The following DZIP3 variants were observed in gnomAD, a reference collection of about 807,000 sequenced individuals.
DZIP3 encodes the protein DAZ interacting zinc finger protein 3.
Under a neutral mutation model 162.0 loss-of-function variants are expected in DZIP3, and 118 were observed. That is an observed-to-expected ratio of 0.73 (90% CI 0.63 to 0.85). DZIP3 has a LOEUF of 0.85. DZIP3 is among the 40% of genes least tolerant of loss of function. DZIP3 has a pLI of 0.00. For missense variants in DZIP3, 1,331 were observed against 1,407.0 expected (o/e 0.95, Z 0.86); for synonymous variants, 438 against 458.6 (o/e 0.96, Z 0.57).
At chr3:108,616,297 T>TAAATA (rs960500073) in intron 4 of DZIP3, among the ~76,000 whole-genome samples, 30 of 149,550 alleles carry the variant, frequency 2.0e-4, no homozygotes, top group Non-Finnish European at 4.3e-4. Context: ...AATAAATAAA[T>TAAATA]AAATAAATAA....
Position 108,674,082 on chromosome 3 carries a change from A to G in DZIP3, c.2594A>G (p.Tyr865Cys). Residue 865 changes from tyrosine (Y) to cysteine (C), a missense_variant, in exon 24 of 33, where the codon TAT becomes TGT. By Grantham distance (194) the Tyr-to-Cys change is radical (BLOSUM62 -2). Around this residue, in one of 2 missense-constraint regions of DZIP3, gnomAD observed 1,278 missense variants for 1,317.1 expected, o/e 0.97. Transcript: ENST00000361582. ...CTTTCTCTCAAAAACCTGTAGGTGT[A>G]TTTCTTACAGTGTCGTAGGGATTTT... ...ETSRALTAEV[Y>C]FLQCRRDFGL... 1 of 1,610,906 alleles carries G rather than the reference A, an allele frequency of 6.2e-7. No homozygotes were observed. Among genetic ancestry groups the G allele is most frequent in the African/African-American group, 1.3e-5 (1 of 74,908 alleles).
intron 8 of DZIP3, among the ~76,000 whole-genome samples, chr3:108,631,043 ACACACACACACACTCTCTCTCT>A (rs1941819058): frequency 1.1e-5 from 1 of 90,244 alleles, no homozygotes; most frequent in Non-Finnish European, 2.1e-5. Context: ...ACACACACAC[ACACACACACACACTCTCTCTCT>A]CTCTCTCTCT....
At chr3:108,688,200 G>A in intron 29 of DZIP3, 104 bp downstream of exon 29, 1 of 1,366,152 alleles carries the variant, frequency 7.3e-7, no homozygotes, top group Non-Finnish European at 1.0e-6. Flanking sequence ...TCAGTAACTT[G>A]TAATCATATT....
At chr3:108,652,939 C>T (rs532023531) in intron 18 of DZIP3, among the ~76,000 whole-genome samples, 35 of 151,976 alleles carry the variant, frequency 2.3e-4, no homozygotes, top group Non-Finnish European at 4.6e-4. Flanking sequence ...ATGACAAAAG[C>T]GCTTAATGAC....
intron 32 of DZIP3, among the ~76,000 whole-genome samples, chr3:108,693,046 G>T (rs4533661): frequency 6.6e-6 from 1 of 151,232 alleles, no homozygotes; most frequent in African/African-American, 2.4e-5. Flanking sequence ...TGATATGCCT[G>T]TTTTCCACAG....
intron 1 of DZIP3, among the ~76,000 whole-genome samples, chr3:108,604,851 TATTA>T (rs1356518845): frequency 2.0e-5 from 3 of 152,232 alleles, no homozygotes; most frequent in African/African-American, 7.2e-5. Context: ...TCTTTTGATC[TATTA>T]ATTTTACTTT....
intron 21 of DZIP3, among the ~76,000 whole-genome samples, chr3:108,666,140 A>G (rs1260094911): frequency 6.6e-6 from 1 of 152,156 alleles, no homozygotes; most frequent in Non-Finnish European, 1.5e-5. Flanking sequence ...CGTGGAATTC[A>G]ATGTATGTAG....
At chr3:108,628,960 C>A (rs1211143303) in intron 7 of DZIP3, 102 bp from the exon 8 acceptor site, 4 of 659,114 alleles carry the variant, frequency 6.1e-6, no homozygotes, top group Non-Finnish European at 1.0e-5. Context: ...AGGTTATCAC[C>A]ACCCTATTTA....
At chr3:108,673,439 T>G (rs1002218466) in intron 23 of DZIP3, among the ~76,000 whole-genome samples, 10 of 151,674 alleles carry the variant, frequency 6.6e-5, no homozygotes, top group African/African-American at 2.2e-4. Flanking sequence ...ATCAGTAAAT[T>G]TCTTTGTGCT....
Position 108,686,536 on chromosome 3 carries a change from G to A in DZIP3, c.3101G>A (p.Trp1034Ter), listed in dbSNP as rs1944505549. 1 of 1,611,510 alleles carries A rather than the reference G, an allele frequency of 6.2e-7. No homozygotes were observed. Residue 1034 changes from tryptophan (W) to a stop codon, truncating the protein, a stop_gained, in exon 28 of 33, where the codon TGG (tryptophan) becomes TAG (stop). Transcript: ENST00000361582. LOFTEE classifies it high-confidence loss of function. ...CGGAGTGATCCCTCCATCATGAATT[G>A]GGAGAGAATTACAGACAGGCTGAAA... is the stretch of plus-strand genomic sequence containing the variant. ...GLRSDPSIMN[W>*]ERITDRLKTA...
chr3:108,651,223 A>C (rs1942851911), intron 18 of DZIP3, 61 bp downstream of exon 18: 43 of 567,086 alleles, frequency 7.6e-5, no homozygotes, highest in Non-Finnish European at 1.0e-4. Flanking sequence ...ATACTTTCCT[A>C]ATATGACACA....
In DZIP3 at chr3:108,662,260, A is replaced by C; in HGVS notation, c.2423+3A>C. 1 of 1,584,690 alleles carries C rather than the reference A, an allele frequency of 6.3e-7. No homozygotes were observed. On this transcript the variant is annotated splice_donor_region_variant and intron_variant, in intron 21 of 32. Coordinates refer to ENST00000361582, the MANE Select transcript of DZIP3 (RefSeq NM_014648.4). ...TTTGGAATCAATAAGGTTTCCAAGTAAGTGTAAATCTTTTGATAAAGGGAA... is the reference window on the plus strand; with the variant it reads ...TTTGGAATCAATAAGGTTTCCAAGTCAGTGTAAATCTTTTGATAAAGGGAA...
chr3:108,645,221 A>T lies in DZIP3; in HGVS notation c.1759+440A>T, dbSNP rs142935451. ...TAAGGAGTCTGCATTTTTCAGAAAG[A>T]AATTGTTGAAGACTTTTGAGTACAG... On this transcript the variant is annotated intron_variant, in intron 14 of 32. Coordinates refer to ENST00000361582, the MANE Select transcript of DZIP3 (RefSeq NM_014648.4). Among the ~76,000 whole-genome samples, 50 of 152,270 alleles carry T rather than the reference A, an allele frequency of 3.3e-4. 2 individuals are homozygous for T. The East Asian group carries it at 9.5e-3, about 29-fold the overall frequency.
At chr3:108,677,707 G>A (rs1944163562) in intron 26 of DZIP3, 109 bp downstream of exon 26, 4 of 956,378 alleles carry the variant, frequency 4.2e-6, no homozygotes, top group African/African-American at 3.2e-5. Flanking sequence ...AAATGGAATA[G>A]GCACATATTG....
chr3:108,631,798 G>T (rs1941903986), intron 8 of DZIP3, among the ~76,000 whole-genome samples: 2 of 150,884 alleles, frequency 1.3e-5, no homozygotes, highest in South Asian at 2.1e-4. Flanking sequence ...TCTTCTTTCT[G>T]GGAATTGTTA....
intron 1 of DZIP3, among the ~76,000 whole-genome samples, chr3:108,593,195 C>T (rs537450430): frequency 3.6e-4 from 55 of 152,250 alleles, no homozygotes; most frequent in African/African-American, 1.3e-3. Context: ...ATAGTTTACA[C>T]TTATTGAGCA....
rs1184465754 is a variant in DZIP3 at position 108,686,585 on chromosome 3, G to A, written c.3149+1G>A. On this transcript the variant is annotated splice_donor_variant, in intron 28 of 32. Coordinates refer to ENST00000361582, the MANE Select transcript of DZIP3 (RefSeq NM_014648.4). LOFTEE classifies it high-confidence loss of function. The stretch of plus-strand genomic sequence containing the variant: ...AAACTGCCTTTCCACAGCAAACCAG[G>A]TACCTTAGTTTTTATTTATTGGTGG... 6.3e-7 allele frequency: 1 copy of A among 1,596,256 alleles called. No individual in the cohort carries two copies. Among genetic ancestry groups the A allele is most frequent in the Non-Finnish European group, 8.5e-7 (1 of 1,173,706 alleles).
intron 26 of DZIP3, among the ~76,000 whole-genome samples, chr3:108,680,601 T>G (rs1461763455): frequency 6.6e-6 from 1 of 152,000 alleles, no homozygotes; most frequent in Non-Finnish European, 1.5e-5. Context: ...ATCACTACAC[T>G]GAAAACTATC....
At position 108,644,040 on chromosome 3, in the gene DZIP3, T is replaced by C; in HGVS notation, c.1142-124T>C. 2.4e-6 allele frequency: 3 copies of C among 1,224,960 alleles called. No homozygotes were observed. In the East Asian group the frequency reaches 7.2e-5, roughly 30 times the overall value. The allele number at this position is 1,224,960 out of a possible 1,614,324, so 75.9% of individuals were successfully genotyped here. ...TTGAGCACTGGCTGTGGCAAAGCAC[T>C]GTACTATCCTTCATTCTTTTGGAAT... is the stretch of plus-strand genomic sequence containing the variant. On this transcript the variant is annotated intron_variant, in intron 13 of 32. Coordinates refer to ENST00000361582, the MANE Select transcript of DZIP3 (RefSeq NM_014648.4).
Sources: gnomAD v4.1 joint callset for allele counts (sites outside exome capture counted in the v4.1 genomes callset) on GRCh38, gnomAD v4.1.1 for gene constraint, gnomAD v4.1.1 regional missense constraint, MANE v1.5 for transcripts, NCBI Gene and HGNC (gene_info 2026-07-23, HGNC 2026-07-21) for gene names.